The following TRPM7 variants were observed in gnomAD, a reference collection of about 807,000 sequenced individuals.
TRPM7 encodes the protein transient receptor potential cation channel subfamily M member 7, also known as LTRPC ion channel family member 7.
In TRPM7, 134 loss-of-function variants were observed where a neutral mutation model predicts 229.7. That is an observed-to-expected ratio of 0.58 (90% CI 0.51 to 0.67). The LOEUF is 0.67. Ranked by LOEUF, TRPM7 falls within the 30% of genes least tolerant of loss-of-function variation. The probability of loss-of-function intolerance (pLI) is 0.00; values close to 1 mark genes in which losing one functional copy is unlikely to be tolerated. For missense variants in TRPM7, 1,901 were observed against 2,210.0 expected (o/e 0.86, Z 2.80); for synonymous variants, 699 against 715.2 (o/e 0.98, Z 0.36).
At chr15:50,576,702 G>C (rs1374820029) in intron 31 of TRPM7, among the ~76,000 whole-genome samples, 3 of 152,156 alleles carry the variant, frequency 2.0e-5, no homozygotes, top group Non-Finnish European at 4.4e-5. Context: ...TGTCATCATA[G>C]AAATGATTCT....
intron 1 of TRPM7, among the ~76,000 whole-genome samples, chr15:50,669,119 A>C (rs2061939316): frequency 6.6e-6 from 1 of 152,126 alleles, no homozygotes; most frequent in African/African-American, 2.4e-5. Context: ...AAGGTATTTG[A>C]GGGTACAAAC....
At chr15:50,673,582 C>G (rs2062035791) in intron 1 of TRPM7, among the ~76,000 whole-genome samples, 1 of 152,132 alleles carries the variant, frequency 6.6e-6, no homozygotes, top group Non-Finnish European at 1.5e-5. Context: ...TCATCCAGGT[C>G]ACTGTGAATG....
chr15:50,561,841 A>AG (rs1317776632), intron 38 of TRPM7, 33 bp from the exon 39 acceptor site: 2 of 1,505,890 alleles, frequency 1.3e-6, no homozygotes, highest in Middle Eastern at 2.0e-4. Flanking sequence ...TTAAAAAAAA[A>AG]AAAGAAAGAG....
chr15:50,616,272 A>T (rs888204032), intron 13 of TRPM7, among the ~76,000 whole-genome samples: 4 of 152,224 alleles, frequency 2.6e-5, no homozygotes, highest in Non-Finnish European at 5.9e-5. Flanking sequence ...GTATTTAAAG[A>T]TTTATCACTT....
intron 1 of TRPM7, among the ~76,000 whole-genome samples, chr15:50,684,887 C>A (rs1209468261): frequency 6.6e-6 from 1 of 152,098 alleles, no homozygotes; most frequent in East Asian, 1.9e-4. Context: ...AATCAACTGA[C>A]TAAAACATGA....
At chr15:50,637,624 G>C (rs756252281) in intron 6 of TRPM7, 31 bp from the exon 7 acceptor site, 1 of 1,591,056 alleles carries the variant, frequency 6.3e-7, no homozygotes, top group Non-Finnish European at 8.6e-7. Context: ...GAGTTAGTGA[G>C]CAGGATTAAA....
In TRPM7 at chr15:50,665,003, T is replaced by G. The variant is rs575128145; in HGVS notation, c.4-1957A>C. Among the ~76,000 whole-genome samples the G allele has an allele frequency of 4.5e-4, 68 of 152,224 alleles. 2 individuals carry two copies. The South Asian group carries it at 0.014, about 31-fold the overall frequency. On this transcript the variant is annotated intron_variant, in intron 1 of 38. Transcript: ENST00000646667. Reference sequence around the variant, plus strand: ...TAATCAGCAGAAATATTTAAAAGATTTTAACAACATGTTAACAAGCTTCAT... The same window carrying G: ...TAATCAGCAGAAATATTTAAAAGATGTTAACAACATGTTAACAAGCTTCAT...
chr15:50,640,573 A>G (rs956465609), intron 5 of TRPM7, among the ~76,000 whole-genome samples: 3 of 151,164 alleles, frequency 2.0e-5, no homozygotes, highest in African/African-American at 7.3e-5. Flanking sequence ...GGCATGAACC[A>G]CCATGCCTGG....
intron 2 of TRPM7, among the ~76,000 whole-genome samples, chr15:50,658,696 C>T (rs992807309): frequency 2.0e-5 from 3 of 151,860 alleles, no homozygotes; most frequent in African/African-American, 7.3e-5. Context: ...AAATAAAAAA[C>T]GTTGACTCTC....
At chr15:50,681,055 A>G (rs1275009724) in intron 1 of TRPM7, among the ~76,000 whole-genome samples, 1 of 152,146 alleles carries the variant, frequency 6.6e-6, no homozygotes. Flanking sequence ...GTTCGAGACC[A>G]GCCTGACCAA....
chr15:50,578,651 C>T lies in TRPM7; in HGVS notation c.4606G>A (p.Gly1536Arg), dbSNP rs1215813109. ...CACACAGACTCACCATTTAATGTTC[C>T]TTCTTCAGATGGCCTAAAGAAACAC... ...PSNREMPSEE[G>R]TLNGLTSPFK... The change falls in exon 31 of 39, where the codon GGA (glycine) becomes AGA (arginine). Residue 1536 changes from glycine to arginine, a missense_variant. This residue lies in a region of TRPM7 where 533 missense variants were observed against 497.1 expected (regional missense o/e 1.07). Transcript: ENST00000646667. 44 of 1,609,176 alleles carry T rather than the reference C, an allele frequency of 2.7e-5. No homozygotes were observed. Among genetic ancestry groups the T allele is most frequent in the Non-Finnish European group, 3.4e-5 (40 of 1,177,124 alleles).
intron 1 of TRPM7, among the ~76,000 whole-genome samples, chr15:50,672,778 C>T (rs1437417009): frequency 4.0e-5 from 6 of 150,522 alleles, no homozygotes; most frequent in Admixed American, 6.7e-5. Flanking sequence ...AGTGTGGTGG[C>T]GGATGCCTCT....
At chr15:50,662,010 G>A (rs2061736400) in intron 2 of TRPM7, among the ~76,000 whole-genome samples, 1 of 152,048 alleles carries the variant, frequency 6.6e-6, no homozygotes, top group Non-Finnish European at 1.5e-5. Flanking sequence ...CTCAGGTCAG[G>A]GGTTCAAGAC....
chr15:50,677,204 A>G (rs915831656), intron 1 of TRPM7, among the ~76,000 whole-genome samples: 14 of 152,128 alleles, frequency 9.2e-5, no homozygotes, highest in Admixed American at 8.5e-4. Flanking sequence ...CACACAGTGA[A>G]GAGGGAGTGA....
chr15:50,670,537 A>G (rs765823593), intron 1 of TRPM7, among the ~76,000 whole-genome samples: 17 of 152,180 alleles, frequency 1.1e-4, no homozygotes, highest in Non-Finnish European at 2.1e-4. Context: ...CACTCTAACC[A>G]GCACCATGAC....
chr15:50,604,031 G>C (rs1596162602), intron 21 of TRPM7: 1 of 152,136 alleles, frequency 6.6e-6, no homozygotes, highest in Non-Finnish European at 1.5e-5. Context: ...AGGAATTTCA[G>C]AATAAGGAAT....
chr15:50,676,736 C>A (rs1359401535), intron 1 of TRPM7, among the ~76,000 whole-genome samples: 1 of 152,022 alleles, frequency 6.6e-6, no homozygotes, highest in Non-Finnish European at 1.5e-5. Context: ...TAGTGAACAG[C>A]AAAATATCAA....
Position 50,577,220 on chromosome 15 carries a change from A to G in TRPM7, c.4619-1301T>C, listed in dbSNP as rs572858671. ...GAAGAACACTGGATTTCATTAAACA[A>G]CAATGGGGAAAAAATGTAAAGTGGA... On this transcript the variant is annotated intron_variant, in intron 31 of 38. Transcript: ENST00000646667. 2.6e-5 allele frequency among the ~76,000 whole-genome samples: 4 copies of G among 152,300 alleles called. No homozygotes were observed. The South Asian group carries it at 6.2e-4, about 24-fold the overall frequency.
intron 3 of TRPM7, among the ~76,000 whole-genome samples, chr15:50,653,637 C>G (rs909387658): frequency 6.6e-6 from 1 of 152,024 alleles, no homozygotes; most frequent in Non-Finnish European, 1.5e-5. Flanking sequence ...GAGATGACAC[C>G]TAGGCAGAAA....
Sources: gnomAD v4.1 joint callset for allele counts (sites outside exome capture counted in the v4.1 genomes callset) on GRCh38, gnomAD v4.1.1 for gene constraint, gnomAD v4.1.1 regional missense constraint, MANE v1.5 for transcripts, NCBI Gene and HGNC (gene_info 2026-07-23, HGNC 2026-07-21) for gene names.